The following DENND1B variants were observed in gnomAD, a reference collection of about 807,000 sequenced individuals.
The protein encoded by DENND1B is DENN domain containing 1B.
In DENND1B, 59 loss-of-function variants were observed where a neutral mutation model predicts 90.1. The observed-to-expected ratio is 0.65, with a 90% CI of 0.53 to 0.81. DENND1B has a LOEUF of 0.81. Ranked by LOEUF, DENND1B falls within the 40% of genes least tolerant of loss-of-function variation. The pLI is 0.00. For missense variants in DENND1B, 862 were observed against 912.6 expected, an observed-to-expected ratio of 0.94 and a Z score of 0.71; for synonymous variants, 337 against 324.6, an observed-to-expected ratio of 1.04 and a Z score of -0.41.
chr1:197,738,614 A>G (rs1027081642), intron 2 of DENND1B, among the ~76,000 whole-genome samples: 25 of 150,380 alleles, frequency 1.7e-4, no homozygotes, highest in African/African-American at 6.0e-4. Context: ...ATTCCCAAAC[A>G]TTATTTACCC....
intron 2 of DENND1B, among the ~76,000 whole-genome samples, chr1:197,722,974 A>G (rs1661318419): frequency 6.6e-6 from 1 of 152,184 alleles, no homozygotes; most frequent in African/African-American, 2.4e-5. Flanking sequence ...GCACTTTAAA[A>G]TAATTTTGGT....
intron 2 of DENND1B, among the ~76,000 whole-genome samples, chr1:197,766,298 C>T (rs1011768002): frequency 1.6e-4 from 25 of 152,130 alleles, no homozygotes; most frequent in African/African-American, 6.0e-4. Flanking sequence ...TATCCTAGTG[C>T]ATCTGAATTG....
intron 2 of DENND1B, among the ~76,000 whole-genome samples, chr1:197,748,492 TA>T (rs1463759984): frequency 2.6e-5 from 4 of 152,098 alleles, no homozygotes; most frequent in Admixed American, 6.6e-5. Flanking sequence ...CAGCTGACCT[TA>T]AAATAGGGAG....
chr1:197,751,380 A>G (rs973788976), intron 2 of DENND1B, among the ~76,000 whole-genome samples: 7 of 152,234 alleles, frequency 4.6e-5, no homozygotes, highest in African/African-American at 1.7e-4. Flanking sequence ...TTTCAACTAC[A>G]TAACTATGAA....
chr1:197,616,215 T>C (rs1202920336), intron 11 of DENND1B, among the ~76,000 whole-genome samples: 1 of 150,930 alleles, frequency 6.6e-6, no homozygotes, highest in African/African-American at 2.4e-5. Context: ...CAAATACTGC[T>C]GTAAAATATA....
chr1:197,771,571 A>C (rs1656621254), intron 2 of DENND1B, among the ~76,000 whole-genome samples: 1 of 152,210 alleles, frequency 6.6e-6, no homozygotes, highest in Non-Finnish European at 1.5e-5. Context: ...GGTGGAGCCA[A>C]CAATATGTGA....
At chr1:197,765,076 T>C (rs1003863231) in intron 2 of DENND1B, among the ~76,000 whole-genome samples, 3 of 152,208 alleles carry the variant, frequency 2.0e-5, no homozygotes, top group Non-Finnish European at 4.4e-5. Flanking sequence ...ATTCTACTCT[T>C]CTCTTATTCA....
intron 2 of DENND1B, among the ~76,000 whole-genome samples, chr1:197,728,635 C>T (rs1367007050): frequency 6.6e-6 from 1 of 152,158 alleles, no homozygotes; most frequent in Non-Finnish European, 1.5e-5. Flanking sequence ...ATCCATTCCT[C>T]CTCTTCCATA....
chr1:197,592,108 C>CAAAAAAAAAAAAAAAAAAA (rs71286564), intron 14 of DENND1B, among the ~76,000 whole-genome samples: 1 of 55,816 alleles, frequency 1.8e-5, no homozygotes, highest in Non-Finnish European at 3.0e-5. Context: ...GATTCCATCT[C>CAAAAAAAAAAAAAAAAAAA]AAAAAAAAAA....
chr1:197,570,142 C>T (rs1673025453), intron 15 of DENND1B, among the ~76,000 whole-genome samples: 1 of 150,782 alleles, frequency 6.6e-6, no homozygotes, highest in Non-Finnish European at 1.5e-5. Context: ...CCTGTAACCC[C>T]AAACCACTAG....
rs1469532519 is a variant in DENND1B, at chr1:197,672,050, A to T, written c.283T>A (p.Leu95Ile). Residue 95 changes from leucine (L) to isoleucine (I), a missense_variant, in exon 5 of 23, where the codon TTA becomes ATA. Coordinates refer to ENST00000620048, the MANE Select transcript of DENND1B (RefSeq NM_001195215.2). ...ACAAATACTCACCTAAGGATGCATA[A>T]ACAAATTGTGCCTCCTGACGTCAGT... ...CRLTSGGTIC[L>I]CILSYLPWFE... is the part of the protein sequence containing the mutation. 1 of 1,612,216 alleles carries T rather than the reference A, an allele frequency of 6.2e-7. No individual in the cohort carries two copies. Among genetic ancestry groups the T allele is most frequent in the Non-Finnish European group, 8.5e-7 (1 of 1,178,936 alleles).
intron 16 of DENND1B, among the ~76,000 whole-genome samples, chr1:197,550,719 G>A (rs61829272): frequency 0.15 from 22,208 of 149,942 alleles, 1,927 homozygotes; most frequent in Non-Finnish European, 0.19. Flanking sequence ...GTTAAGTGAC[G>A]AGTTACTGGG....
chr1:197,598,553 G>GA (rs1675916655), intron 13 of DENND1B, among the ~76,000 whole-genome samples: 1 of 151,694 alleles, frequency 6.6e-6, no homozygotes. Flanking sequence ...CCTGGTCTAG[G>GA]AAAGAGCATT....
rs528526052 is a variant in DENND1B, at chr1:197,509,685, C to T, written c.*775G>A. 1 of 148,484 alleles carries T rather than the reference C, an allele frequency of 6.7e-6. No homozygotes were observed. The highest frequency in any genetic ancestry group is 1.5e-5 in the Non-Finnish European group (1 of 67,144). 9.2% of individuals were successfully genotyped at this position (148,484 alleles called of 1,614,324 possible). ...TTGTATTTGGCTTTCTTGGGGTGGA[C>T]CCCTAAATAGCAAAGGCATACAGAG... On this transcript the variant is annotated 3_prime_UTR_variant, in exon 23 of 23. Coordinates refer to ENST00000620048, the MANE Select transcript of DENND1B (RefSeq NM_001195215.2).
chr1:197,544,751 AAAG>A (rs1403957088), intron 18 of DENND1B, among the ~76,000 whole-genome samples: 3 of 142,196 alleles, frequency 2.1e-5, no homozygotes, highest in Non-Finnish European at 3.1e-5. Context: ...AGAGGAGGAG[AAAG>A]AAGAAGAGGA....
chr1:197,685,635 AT>A (rs1176520621), intron 3 of DENND1B: 1 of 152,148 alleles, frequency 6.6e-6, no homozygotes, highest in Non-Finnish European at 1.5e-5. Flanking sequence ...TTATGTATTC[AT>A]TTTTTAAGGC....
rs1669305436 is a variant in DENND1B at position 197,528,512 on chromosome 1, T to C, written c.1515+11452A>G. On this transcript the variant is annotated intron_variant, in intron 20 of 22. Transcript: ENST00000620048. ...CAAAAAGTTTCATTTCTAAGTGTGA[T>C]ATCACCTTGTATAATGGATAAAAAT... 2.0e-5 allele frequency among the ~76,000 whole-genome samples: 3 copies of C among 152,206 alleles called. No individual in the cohort carries two copies. The South Asian group carries it at 6.2e-4, about 31-fold the overall frequency.
At chr1:197,692,455 T>C (rs1455215873) in intron 3 of DENND1B, among the ~76,000 whole-genome samples, 1 of 151,736 alleles carries the variant, frequency 6.6e-6, no homozygotes, top group African/African-American at 2.4e-5. Flanking sequence ...GTTCCATAAA[T>C]CCCACACTCC....
chr1:197,763,848 C>T (rs1055489066), intron 2 of DENND1B, among the ~76,000 whole-genome samples: 4 of 152,196 alleles, frequency 2.6e-5, no homozygotes, highest in African/African-American at 9.7e-5. Context: ...GCCTTTACTA[C>T]TCTTACAATT....
Sources: allele counts gnomAD v4.1 joint callset (sites outside exome capture counted in the v4.1 genomes callset), GRCh38; gene constraint gnomAD v4.1.1; transcripts MANE v1.5; gene names NCBI Gene and HGNC (gene_info 2026-07-23, HGNC 2026-07-21).